The following DTNA variants were observed in gnomAD, a reference collection of about 807,000 sequenced individuals.
DTNA encodes the protein dystrophin-related protein 3.
DTNA carries 43 observed loss-of-function variants against 100.7 expected under a neutral mutation model. The ratio of observed to expected loss-of-function variants is 0.43; its 90% CI spans 0.33 to 0.55. The LOEUF (loss-of-function observed/expected upper bound fraction) is 0.55, where lower values mean the gene tolerates loss of function less well. DTNA is among the 20% of genes least tolerant of loss of function. The pLI is 0.04. For synonymous variants in DTNA, 349 were observed against 347.9 expected (o/e 1.00, Z -0.04); for missense variants, 798 against 953.9 (o/e 0.84, Z 2.15).
chr18:34,725,559 C>A (rs78565748), intron 1 of DTNA, among the ~76,000 whole-genome samples: 2 of 152,168 alleles, frequency 1.3e-5, no homozygotes, highest in Non-Finnish European at 2.9e-5. Flanking sequence ...TACTATCTCA[C>A]ACCAGTTAGA....
chr18:34,566,542 C>T (rs2047103873), intron 1 of DTNA, among the ~76,000 whole-genome samples: 1 of 152,206 alleles, frequency 6.6e-6, no homozygotes, highest in African/African-American at 2.4e-5. Context: ...TGTGAGGACA[C>T]ATGTCTGTGA....
chr18:34,636,666 A>G (rs1303811259), intron 1 of DTNA, among the ~76,000 whole-genome samples: 1 of 152,188 alleles, frequency 6.6e-6, no homozygotes, highest in Non-Finnish European at 1.5e-5. Flanking sequence ...ACCCTGAAAG[A>G]GTCTCAGGGT....
At chr18:34,594,551 T>C (rs920721976) in intron 1 of DTNA, among the ~76,000 whole-genome samples, 4 of 152,242 alleles carry the variant, frequency 2.6e-5, no homozygotes, top group South Asian at 2.1e-4. Flanking sequence ...GTTTTTTGTC[T>C]TGTCAAATAG....
At chr18:34,850,026 T>TA (rs2096453147) in intron 14 of DTNA, among the ~76,000 whole-genome samples, 1 of 152,240 alleles carries the variant, frequency 6.6e-6, no homozygotes, top group African/African-American at 2.4e-5. Context: ...CTTGCCTACT[T>TA]ACACTATATA....
intron 1 of DTNA, among the ~76,000 whole-genome samples, chr18:34,564,584 T>C (rs2046929272): frequency 6.6e-6 from 1 of 152,250 alleles, no homozygotes; most frequent in East Asian, 1.9e-4. Context: ...AAAGCATTTG[T>C]GTATTTTTAG....
chr18:34,818,406 G>A, intron 8 of DTNA, 76 bp downstream of exon 8: 3 of 1,570,906 alleles, frequency 1.9e-6, no homozygotes, highest in South Asian at 2.3e-5. Flanking sequence ...ATCAAGGATG[G>A]TGGCAGAATT....
intron 14 of DTNA, among the ~76,000 whole-genome samples, chr18:34,851,567 A>G (rs529642241): frequency 1.3e-5 from 2 of 152,316 alleles, no homozygotes; most frequent in South Asian, 2.1e-4. Flanking sequence ...TTCAGTCAGA[A>G]AGCTGAAAAA....
chr18:34,858,224 C>T (rs1045458949), intron 15 of DTNA, 61 bp from the exon 16 acceptor site: 40 of 1,509,416 alleles, frequency 2.7e-5, no homozygotes, highest in East Asian at 4.5e-5. Context: ...TGATCTGCTC[C>T]GATGTTAGTT....
intron 1 of DTNA, among the ~76,000 whole-genome samples, chr18:34,589,037 T>G (rs796648284): frequency 5.3e-5 from 8 of 151,274 alleles, no homozygotes; most frequent in African/African-American, 1.9e-4. Flanking sequence ...ACTAAGTATA[T>G]TTTGTAATTA....
In DTNA at chr18:34,717,580, A is replaced by T. The variant is rs552352171; in HGVS notation, c.-2+7135A>T. On this transcript the variant is annotated intron_variant, in intron 1 of 22. Transcript: ENST00000444659. ...ATTCATTTTCTCATTTATTTTTTTT[A>T]AAAAACCTTATATTGAATATATTTG... 8.5e-5 allele frequency among the ~76,000 whole-genome samples: 13 copies of T among 152,202 alleles called. No homozygotes were observed. The East Asian group carries it at 9.6e-4, about 11-fold the overall frequency.
Position 34,815,895 on chromosome 18 carries a change from GT to G in DTNA, c.604-7del, listed in dbSNP as rs778948193. The stretch of plus-strand genomic sequence containing the variant: ...ATTCTCTGTCCTAAATTTATGGGGG[GT>G]TTTTTTATGCAGAAAAAAGTCACGT... On this transcript the variant is annotated splice_polypyrimidine_tract_variant and intron_variant, in intron 6 of 22. Coordinates refer to ENST00000444659, the MANE Select transcript of DTNA (RefSeq NM_001386795.1). The G allele has an allele frequency of 3.1e-6, 5 of 1,607,892 alleles. No individual in the cohort carries two copies. Among genetic ancestry groups the G allele is most frequent in the East Asian group, 2.2e-5 (1 of 44,822 alleles).
intron 1 of DTNA, among the ~76,000 whole-genome samples, chr18:34,527,091 A>G (rs2042696661): frequency 6.6e-6 from 1 of 151,878 alleles, no homozygotes; most frequent in Non-Finnish European, 1.5e-5. Context: ...CTCTCTCTCT[A>G]CAATTGTCCT....
chr18:34,533,549 A>T (rs1005509797), intron 1 of DTNA, among the ~76,000 whole-genome samples: 1 of 152,098 alleles, frequency 6.6e-6, no homozygotes, highest in African/African-American at 2.4e-5. Context: ...CAAAAACGAC[A>T]TTTTAGTATG....
intron 8 of DTNA, among the ~76,000 whole-genome samples, chr18:34,818,976 C>T (rs1370899815): frequency 6.6e-6 from 1 of 152,148 alleles, no homozygotes; most frequent in Non-Finnish European, 1.5e-5. Flanking sequence ...AATGTGACTC[C>T]ATGTGCTCAC....
rs118101207 is a variant in DTNA, at chr18:34,682,538, T to G, written c.-1-73438T>G. On this transcript the variant is annotated intron_variant, in intron 1 of 19. Coordinates refer to the DTNA transcript ENST00000283365. Reference sequence around the variant, plus strand: ...GCTCCATATCCTCTCCAGCATTTGATGTCAGTGTTTTAGAATTTGGTCATT... The same window carrying G: ...GCTCCATATCCTCTCCAGCATTTGAGGTCAGTGTTTTAGAATTTGGTCATT... Among the ~76,000 whole-genome samples the G allele has an allele frequency of 7.1e-3, 1,087 of 152,324 alleles. 5 individuals carry two copies. The highest frequency in any genetic ancestry group is 0.011 in the Admixed American group (172 of 15,278).
intron 1 of DTNA, among the ~76,000 whole-genome samples, chr18:34,700,545 T>G (rs187354479): frequency 7.2e-5 from 11 of 152,338 alleles, no homozygotes; most frequent in Admixed American, 3.3e-4. Context: ...TTCAAGTCCC[T>G]ACCTCCTGTC....
intron 1 of DTNA, among the ~76,000 whole-genome samples, chr18:34,500,206 A>G (rs2039741927): frequency 6.6e-6 from 1 of 152,124 alleles, no homozygotes; most frequent in African/African-American, 2.4e-5. Flanking sequence ...CCATTTATGT[A>G]GAATGTCTTT....
intron 3 of DTNA, among the ~76,000 whole-genome samples, chr18:34,766,579 G>A (rs1205631123): frequency 3.3e-5 from 5 of 152,020 alleles, no homozygotes; most frequent in East Asian, 1.9e-4. Flanking sequence ...TGTAAATGAC[G>A]AGTTAATGGG....
chr18:34,842,382 A>G (rs768472027), intron 13 of DTNA, among the ~76,000 whole-genome samples: 19 of 152,188 alleles, frequency 1.2e-4, no homozygotes, highest in Non-Finnish European at 2.2e-4. Context: ...AAGACATCTA[A>G]GAATGCCTAT....
Sources: gnomAD v4.1 joint callset for allele counts (sites outside exome capture counted in the v4.1 genomes callset) on GRCh38, gnomAD v4.1.1 for gene constraint, MANE v1.5 for transcripts, NCBI Gene and HGNC (gene_info 2026-07-23, HGNC 2026-07-21) for gene names.